SPSB1: variants seen among roughly 807,000 people sequenced by gnomAD.
The protein encoded by SPSB1 is splA/ryanodine receptor domain and SOCS box containing 1.
SPSB1 carries 8 observed loss-of-function variants against 21.2 expected under a neutral mutation model. The ratio of observed to expected loss-of-function variants is 0.38; its 90% CI spans 0.22 to 0.68. The LOEUF is 0.68. Among genes scored for constraint, SPSB1 ranks in the 30% least tolerant of loss-of-function variants. The pLI is 0.53. For synonymous variants in SPSB1, 169 were observed against 161.7 expected, an observed-to-expected ratio of 1.05 and a Z score of -0.34; for missense variants, 242 against 377.8, an observed-to-expected ratio of 0.64 and a Z score of 2.98.
chr1:9,348,280 T>C lies in SPSB1; in HGVS notation c.-149-7463T>C, dbSNP rs1309448041. Among the ~76,000 whole-genome samples, 1 of 151,982 alleles carries C rather than the reference T, an allele frequency of 6.6e-6. No homozygotes were observed. Among genetic ancestry groups the C allele is most frequent in the Non-Finnish European group, 1.5e-5 (1 of 67,986 alleles). On this transcript the variant is annotated intron_variant, in intron 1 of 2. Transcript: ENST00000328089. The surrounding 1 kb of genome is among the most constrained non-coding windows in gnomAD (Gnocchi z 4.8). The stretch of plus-strand genomic sequence containing the variant: ...TGGGCATCCCACAGCACTGTCTCGC[T>C]CCTGTCTCGGCGGTAGTGCTGTGTC...
intron 1 of SPSB1, among the ~76,000 whole-genome samples, chr1:9,296,782 A>G (rs1225317327): frequency 6.6e-6 from 1 of 152,198 alleles, no homozygotes; most frequent in East Asian, 1.9e-4. Flanking sequence ...GTCCTTTCTG[A>G]CTTGGGCTTG....
At chr1:9,308,056 C>T (rs1035748021) in intron 1 of SPSB1, among the ~76,000 whole-genome samples, 1 of 152,156 alleles carries the variant, frequency 6.6e-6, no homozygotes, top group African/African-American at 2.4e-5. Flanking sequence ...AATTTGGTGC[C>T]CCTTCCAAAT....
chr1:9,318,205 C>G (rs978815723), intron 1 of SPSB1, among the ~76,000 whole-genome samples: 2 of 152,220 alleles, frequency 1.3e-5, no homozygotes, highest in African/African-American at 4.8e-5. Context: ...CCCGGAGGCC[C>G]ATGATGCCCC....
chr1:9,357,458 G>A (rs944153683), intron 2 of SPSB1, among the ~76,000 whole-genome samples: 20 of 152,334 alleles, frequency 1.3e-4, no homozygotes, highest in African/African-American at 4.6e-4. Flanking sequence ...TAGCCCAGTT[G>A]CCAGCATATC....
At chr1:9,361,106 G>A (rs1640464999) in intron 2 of SPSB1, among the ~76,000 whole-genome samples, 1 of 150,876 alleles carries the variant, frequency 6.6e-6, no homozygotes, top group Non-Finnish European at 1.5e-5. Context: ...CCCGGGAGCA[G>A]AGCATGACAG....
At chr1:9,309,203 T>C (rs1639472580) in intron 1 of SPSB1, among the ~76,000 whole-genome samples, 1 of 139,276 alleles carries the variant, frequency 7.2e-6, no homozygotes, top group Admixed American at 7.4e-5. Context: ...CCTCCAAAGT[T>C]GTTCCTGAGA....
intron 1 of SPSB1, among the ~76,000 whole-genome samples, chr1:9,339,487 AG>A (rs1180878867): frequency 6.6e-6 from 1 of 152,118 alleles, no homozygotes; most frequent in African/African-American, 2.4e-5. Flanking sequence ...GGCTCCGTGG[AG>A]GAGGGGCCCC....
At chr1:9,347,671 A>G (rs1462197463) in intron 1 of SPSB1, among the ~76,000 whole-genome samples, 1 of 152,194 alleles carries the variant, frequency 6.6e-6, no homozygotes, top group Admixed American at 6.5e-5. Flanking sequence ...GAGGGGCTGC[A>G]TGGAGCTCCG....
intron 1 of SPSB1, among the ~76,000 whole-genome samples, chr1:9,333,695 G>T (rs1048544786): frequency 6.6e-6 from 1 of 152,168 alleles, no homozygotes; most frequent in African/African-American, 2.4e-5. Flanking sequence ...TCCAGTGTAG[G>T]CTGACCCCAG....
intron 1 of SPSB1, among the ~76,000 whole-genome samples, chr1:9,312,905 G>A (rs1639546870): frequency 6.6e-6 from 1 of 152,186 alleles, no homozygotes; most frequent in South Asian, 2.1e-4. Flanking sequence ...CCAAAGCCAG[G>A]CCCAAGAACA....
intron 2 of SPSB1, among the ~76,000 whole-genome samples, chr1:9,357,144 G>GATGA (rs1470255371): frequency 1.2e-3 from 90 of 73,776 alleles, no homozygotes; most frequent in African/African-American, 3.8e-3. Flanking sequence ...TGGATGGATG[G>GATGA]ATGGGTGGAT....
chr1:9,349,844 G>C (rs1297062421), intron 1 of SPSB1, among the ~76,000 whole-genome samples: 2 of 152,078 alleles, frequency 1.3e-5, no homozygotes, highest in African/African-American at 2.4e-5. Context: ...GGAAAATGTT[G>C]CTAGGAGTTC....
rs74051610 is a variant in SPSB1 at position 9,316,558 on chromosome 1, G to A, written c.-150+23487G>A. On this transcript the variant is annotated intron_variant, in intron 1 of 2. Coordinates refer to ENST00000328089, the MANE Select transcript of SPSB1 (RefSeq NM_025106.4). Reference sequence around the variant, plus strand: ...CCTTGAGGTGCTGGATGGCGAGGAGGGGGGGGCTGATCGAAGCGGGTTCAG... The same window carrying A: ...CCTTGAGGTGCTGGATGGCGAGGAGAGGGGGGCTGATCGAAGCGGGTTCAG... Among the ~76,000 whole-genome samples the A allele has an allele frequency of 8.3e-3, 1,257 of 152,122 alleles. 10 individuals carry two copies. Among genetic ancestry groups the A allele is most frequent in the Non-Finnish European group, 0.012 (782 of 67,986 alleles).
chr1:9,307,872 G>C (rs75746801), intron 1 of SPSB1, among the ~76,000 whole-genome samples: 2,139 of 152,212 alleles, frequency 0.014, 45 homozygotes, highest in African/African-American at 0.048. Flanking sequence ...CGGGGTGCGC[G>C]TGGCCCCTCC....
Position 9,293,756 on chromosome 1 carries a change from G to A in SPSB1, c.-150+685G>A, listed in dbSNP as rs570251998. Among the ~76,000 whole-genome samples the A allele has an allele frequency of 2.0e-4, 31 of 152,354 alleles. No individual in the cohort carries two copies. Among genetic ancestry groups the A allele is most frequent in the African/African-American group, 7.5e-4 (31 of 41,594 alleles). On this transcript the variant is annotated intron_variant, in intron 1 of 2. Coordinates refer to ENST00000328089, the MANE Select transcript of SPSB1 (RefSeq NM_025106.4). This position sits in a 1 kb window ranked among gnomAD's most constrained non-coding sequence, Gnocchi z 5.1. ...CGGATGGGTCACCGTCCCCGGGCGTGTACTGGGCTCGGTGGCGTCCAGGTT... is the reference window on the plus strand; with the variant it reads ...CGGATGGGTCACCGTCCCCGGGCGTATACTGGGCTCGGTGGCGTCCAGGTT...
Position 9,367,319 on chromosome 1 carries a change from T to A in SPSB1, c.695-129T>A, listed in dbSNP as rs569031497. 6.6e-7 allele frequency: 1 copy of A among 1,520,050 alleles called. No individual in the cohort carries two copies. Among genetic ancestry groups the A allele is most frequent in the South Asian group, 1.1e-5 (1 of 87,422 alleles). 94.2% of individuals were successfully genotyped at this position (1,520,050 alleles called of 1,614,324 possible). A position where few individuals can be genotyped will look rare whatever the true frequency, so the allele number is the denominator to read the frequency against. On this transcript the variant is annotated intron_variant, in intron 2 of 2. Transcript: ENST00000328089. The surrounding 1 kb of genome is among the most constrained non-coding windows in gnomAD (Gnocchi z 5.9). ...TGCTAAATTTAAAATGAAAAAGCAT[T>A]GCATTTTTCATTGTTTCTTTACTGA...
At chr1:9,309,302 G>GTA (rs1491551565) in intron 1 of SPSB1, among the ~76,000 whole-genome samples, 3 of 34,744 alleles carry the variant, frequency 8.6e-5, no homozygotes, top group African/African-American at 5.1e-4. Flanking sequence ...GAGAGAGAGA[G>GTA]TGTGTGTGTG....
At chr1:9,330,526 C>T (rs1031269586) in intron 1 of SPSB1, among the ~76,000 whole-genome samples, 1 of 114,484 alleles carries the variant, frequency 8.7e-6, no homozygotes, top group African/African-American at 3.6e-5. Context: ...CTCCTACCAC[C>T]CCAAGGGAAC....
chr1:9,329,703 A>G, intron 1 of SPSB1, among the ~76,000 whole-genome samples: 1 of 129,384 alleles, frequency 7.7e-6, no homozygotes, highest in Non-Finnish European at 1.5e-5. Context: ...AAAAACAACA[A>G]CAAAAAAAAA....
Sources: gnomAD v4.1 joint callset for allele counts (sites outside exome capture counted in the v4.1 genomes callset) on GRCh38, gnomAD v4.1.1 for gene constraint, Gnocchi (gnomAD v3.1) non-coding constraint, MANE v1.5 for transcripts, NCBI Gene and HGNC (gene_info 2026-07-23, HGNC 2026-07-21) for gene names.